The following GALNT2 variants were observed in gnomAD, a reference collection of about 807,000 sequenced individuals.
The protein encoded by GALNT2 is polypeptide N-acetylgalactosaminyltransferase 2.
GALNT2 carries 31 observed loss-of-function variants against 81.4 expected under a neutral mutation model. The ratio of observed to expected loss-of-function variants is 0.38; its 90% confidence interval spans 0.29 to 0.51. The LOEUF (loss-of-function observed/expected upper bound fraction) is 0.51, where lower values mean the gene tolerates loss of function less well. Ranked by LOEUF, GALNT2 falls within the 20% of genes least tolerant of loss-of-function variation. The probability of loss-of-function intolerance (pLI) is 0.87; values close to 1 mark genes in which losing one functional copy is unlikely to be tolerated. For synonymous variants in GALNT2, 303 were observed against 287.4 expected, an observed-to-expected ratio of 1.05 and a Z score of -0.55; for missense variants, 629 against 765.7, an observed-to-expected ratio of 0.82 and a Z score of 2.11.
chr1:230,275,430 ACCACATATATATACACG>A lies in GALNT2; in HGVS notation c.1560+878_1560+894del, dbSNP rs527644949. ...ATATGTAAACACCACATATATACAC[ACCACATATATATACACG>A]CCACATATATACATATATACAAACA... On this transcript the variant is annotated intron_variant, in intron 15 of 15. Coordinates refer to ENST00000366672, the MANE Select transcript of GALNT2 (RefSeq NM_004481.5). This position sits in a 1 kb window ranked among gnomAD's most constrained non-coding sequence, Gnocchi z 5.5. Among the ~76,000 whole-genome samples the A allele has an allele frequency of 1.3e-5, 2 of 151,374 alleles. No individual in the cohort carries two copies. The highest frequency in any genetic ancestry group is 2.1e-4 in the South Asian group (1 of 4,814).
intron 1 of GALNT2, among the ~76,000 whole-genome samples, chr1:230,133,100 AT>A: frequency 6.6e-6 from 1 of 152,232 alleles, no homozygotes; most frequent in Non-Finnish European, 1.5e-5. Context: ...ACTATATTGT[AT>A]TTTTACATGA....
At chr1:230,225,681 T>G (rs917108868) in intron 3 of GALNT2, among the ~76,000 whole-genome samples, 3 of 146,212 alleles carry the variant, frequency 2.1e-5, no homozygotes, top group South Asian at 2.2e-4. Flanking sequence ...AGAGTTTTTT[T>G]GTTTTTTTTT....
chr1:230,237,167 C>T (rs372612978), intron 6 of GALNT2, among the ~76,000 whole-genome samples: 1 of 152,366 alleles, frequency 6.6e-6, no homozygotes, highest in East Asian at 1.9e-4. Flanking sequence ...ATTATATGCT[C>T]ATGCGATTTT....
chr1:230,146,386 T>C (rs1022474230), intron 1 of GALNT2, among the ~76,000 whole-genome samples: 4 of 152,234 alleles, frequency 2.6e-5, no homozygotes, highest in Admixed American at 6.5e-5. Flanking sequence ...TGTTAATAGC[T>C]AAATCACATT....
intron 1 of GALNT2, among the ~76,000 whole-genome samples, chr1:230,076,083 C>T (rs1480576960): frequency 2.0e-5 from 3 of 152,174 alleles, no homozygotes; most frequent in Non-Finnish European, 4.4e-5. Flanking sequence ...CTGGTCTCCT[C>T]GATGAGGCAT....
At chr1:230,160,624 G>T (rs1662402728) in intron 1 of GALNT2, among the ~76,000 whole-genome samples, 1 of 150,866 alleles carries the variant, frequency 6.6e-6, no homozygotes, top group Non-Finnish European at 1.5e-5. Context: ...TGAGGCAGGA[G>T]AATTGCTTAA....
intron 2 of GALNT2, among the ~76,000 whole-genome samples, chr1:230,195,155 G>A (rs908038975): frequency 9.9e-5 from 15 of 152,258 alleles, no homozygotes; most frequent in Admixed American, 5.2e-4. Flanking sequence ...TCAAGACAGG[G>A]AGGGCACAGC....
upstream of GALNT2, among the ~76,000 whole-genome samples, chr1:230,062,877 A>G (rs551365883): frequency 3.9e-5 from 6 of 152,308 alleles, no homozygotes; most frequent in African/African-American, 1.4e-4. Context: ...ATACAACCAG[A>G]AATGGAATTG....
At chr1:230,082,747 G>T (rs1180775630) in intron 1 of GALNT2, among the ~76,000 whole-genome samples, 2 of 152,266 alleles carry the variant, frequency 1.3e-5, no homozygotes, top group Non-Finnish European at 2.9e-5. Context: ...AGACAGCTGG[G>T]ATGATAGAGC....
At chr1:230,199,390 A>G (rs1186283997) in intron 2 of GALNT2, among the ~76,000 whole-genome samples, 1 of 152,196 alleles carries the variant, frequency 6.6e-6, no homozygotes, top group Non-Finnish European at 1.5e-5. Context: ...TATAGTACAG[A>G]AATAACCAAT....
intron 15 of GALNT2, 66 bp downstream of exon 15, chr1:230,274,630 C>T: frequency 6.3e-7 from 1 of 1,594,734 alleles, no homozygotes; most frequent in Non-Finnish European, 8.6e-7. Context: ...CGGCCTGCGC[C>T]CTCTTGCTCT....
In GALNT2 at chr1:230,280,263, TG is replaced by T. The variant is rs1666401179; in HGVS notation, c.*811del. 2 of 321,890 alleles carry T rather than the reference TG, an allele frequency of 6.2e-6. No homozygotes were observed. The highest frequency in any genetic ancestry group is 1.2e-5 in the Non-Finnish European group (2 of 162,220). The allele number at this position is 321,890 out of a possible 1,614,324, so 19.9% of individuals were successfully genotyped here. The stretch of plus-strand genomic sequence containing the variant: ...AGTTGGTGCTACTGCTGTGGCCAGC[TG>T]GGGGGCTTCCTCCAGACCACCGGCC... On this transcript the variant is annotated 3_prime_UTR_variant, in exon 16 of 16. Coordinates refer to ENST00000366672, the MANE Select transcript of GALNT2 (RefSeq NM_004481.5).
intron 1 of GALNT2, among the ~76,000 whole-genome samples, chr1:230,118,573 T>C (rs1183033657): frequency 6.6e-6 from 1 of 152,260 alleles, no homozygotes; most frequent in Non-Finnish European, 1.5e-5. Context: ...CCAGAGTCCC[T>C]GTAGGGCCAG....
intron 4 of GALNT2, 98 bp from the exon 5 acceptor site, chr1:230,236,255 A>T (rs892634070): frequency 2.8e-6 from 4 of 1,404,324 alleles, no homozygotes; most frequent in Middle Eastern, 1.8e-4. Context: ...AGCTCCTCCA[A>T]CCAAGGGTTA....
At chr1:230,230,751 C>T (rs1664843045) in intron 3 of GALNT2, among the ~76,000 whole-genome samples, 1 of 152,180 alleles carries the variant, frequency 6.6e-6, no homozygotes, top group Non-Finnish European at 1.5e-5. Flanking sequence ...TAAACTAATG[C>T]TTACTTAATA....
chr1:230,237,962 A>T (rs185251741), intron 6 of GALNT2, among the ~76,000 whole-genome samples: 1 of 152,130 alleles, frequency 6.6e-6, no homozygotes, highest in African/African-American at 2.4e-5. Flanking sequence ...AATCAGAACA[A>T]TGCTTCTCAG....
chr1:230,172,686 C>G (rs959880593), intron 1 of GALNT2, among the ~76,000 whole-genome samples: 11 of 152,242 alleles, frequency 7.2e-5, no homozygotes, highest in African/African-American at 2.7e-4. Context: ...CCCCTGACCA[C>G]TTGCCTTTGG....
chr1:230,228,433 A>G (rs1197873421), intron 3 of GALNT2, among the ~76,000 whole-genome samples: 18 of 152,092 alleles, frequency 1.2e-4, no homozygotes, highest in Admixed American at 1.0e-3. Flanking sequence ...GGTTACACAC[A>G]TAGATGACCA....
chr1:230,251,116 C>CA (rs1665533130), intron 10 of GALNT2, among the ~76,000 whole-genome samples: 2 of 152,176 alleles, frequency 1.3e-5, no homozygotes, highest in African/African-American at 2.4e-5. Flanking sequence ...AAATTTTGCA[C>CA]ATTGTGGTCT....
Sources: gnomAD v4.1 joint callset for allele counts (sites outside exome capture counted in the v4.1 genomes callset) on GRCh38, gnomAD v4.1.1 for gene constraint, Gnocchi (gnomAD v3.1) non-coding constraint, MANE v1.5 for transcripts, NCBI Gene and HGNC (gene_info 2026-07-23, HGNC 2026-07-21) for gene names.